Variants in XG observed in about 807,000 individuals in gnomAD.
XG encodes glycoprotein Xg.
A neutral mutation model predicts 25.7 loss-of-function variants in XG; 24 were observed. The observed-to-expected ratio is 0.93, with a 90% confidence interval of 0.68 to 1.31. XG has a LOEUF of 1.31. XG is among the 40% of genes most tolerant of loss of function. XG has a pLI of 0.00. For synonymous variants in XG, 77 were observed against 69.2 expected (o/e 1.11, Z -0.56); for missense variants, 181 against 187.6 (o/e 0.96, Z 0.21).
In XG at chrX:2,806,816, G is replaced by A. The variant is rs755686709; in HGVS notation, c.418+71G>A. 8.1e-5 allele frequency: 70 copies of A among 863,380 alleles called. No individual in the cohort carries two copies. The South Asian group carries it at 1.9e-3, about 24-fold the overall frequency. The allele number at this position is 863,380 out of a possible 1,213,427, so 71.2% of individuals were successfully genotyped here. A position where few individuals can be genotyped will look rare whatever the true frequency, so the allele number is the denominator to read the frequency against. ...TTTGCAAATAACTAACACACTGTCT[G>A]CACTGATGGGAAGCTGATGCTTTCA... On this transcript the variant is annotated intron_variant, in intron 8 of 10. Transcript: ENST00000644266.
At chrX:2,771,492 G>A (rs1431318511) in intron 2 of XG, among the ~76,000 whole-genome samples, 2 of 152,172 alleles carry the variant, frequency 1.3e-5, no homozygotes, top group Admixed American at 1.3e-4. Flanking sequence ...GAAAATATGT[G>A]TCCTGGGCCC....
intron 3 of XG, among the ~76,000 whole-genome samples, chrX:2,776,718 G>A (rs1016918590): frequency 2.5e-4 from 38 of 152,108 alleles, no homozygotes; most frequent in Admixed American, 8.5e-4. Context: ...CATGGTGGCG[G>A]GCGCCTGTAG....
intron 9 of XG, among the ~76,000 whole-genome samples, chrX:2,809,161 A>G (rs1289070182): frequency 9.0e-6 from 1 of 111,218 alleles, no homozygotes; most frequent in Admixed American, 9.6e-5. Context: ...GTGAGGTGTC[A>G]GGGAAGATGG....
intron 1 of XG, among the ~76,000 whole-genome samples, chrX:2,757,299 A>G (rs1455251285): frequency 1.3e-5 from 2 of 151,936 alleles, no homozygotes; most frequent in East Asian, 3.9e-4. Flanking sequence ...TGGGTACAGG[A>G]CAGGCAGGCA....
At position 2,811,430 on chromosome X, in the gene XG, G is replaced by C; in HGVS notation, c.549G>C (p.Arg183Ser). Reference sequence around the variant, plus strand: ...CCAGTTATTTCAAACTAAACAATAGGAGAAATTGTTTCAGGACCCATGGTA... The same window carrying C: ...CCAGTTATTTCAAACTAAACAATAGCAGAAATTGTTTCAGGACCCATGGTA... ...AAASYFKLNNRRNCFRTHEPE... is the reference protein window; with the variant it reads ...AAASYFKLNNSRNCFRTHEPE... The change falls in exon 10 of 11, where the codon AGG (arginine) becomes AGC (serine). Residue 183 changes from arginine (R) to serine (S), a missense_variant. Physicochemically the swap from Arg to Ser is moderately radical, Grantham distance 110. Transcript: ENST00000644266. 8.3e-7 allele frequency: 1 copy of C among 1,203,327 alleles called. No homozygotes were observed. Among genetic ancestry groups the C allele is most frequent in the South Asian group, 1.8e-5 (1 of 55,647 alleles).
chrX:2,807,858 G>A (rs1158143704), intron 8 of XG, among the ~76,000 whole-genome samples: 5 of 111,836 alleles, frequency 4.5e-5, no homozygotes, highest in East Asian at 2.8e-4. Flanking sequence ...AATGGCGTGC[G>A]TGTGTGCATG....
intron 7 of XG, among the ~76,000 whole-genome samples, chrX:2,802,562 G>C (rs146228305): frequency 1.8e-4 from 20 of 110,721 alleles, no homozygotes; most frequent in African/African-American, 5.9e-4. Flanking sequence ...GGAGTGCTGA[G>C]TGGTTGGTTG....
chrX:2,773,569 A>G (rs56113044), intron 2 of XG, among the ~76,000 whole-genome samples: 8,816 of 56,070 alleles, frequency 0.16, 181 homozygotes, highest in South Asian at 0.22. Context: ...GAAGGAGAGA[A>G]GGAAGGAAGG....
At position 2,780,725 on chromosome X, in the gene XG, A is replaced by G. The variant is rs776422126; in HGVS notation, c.128-1341A>G. On this transcript the variant is annotated intron_variant, in intron 3 of 10. Coordinates refer to ENST00000644266, the MANE Select transcript of XG (RefSeq NM_001141919.2). ...AGACCAAGACTCTGTCTCAAAAAAA[A>G]AAAAGAAGAAGTATATTGGTTCCGT... Among the ~76,000 whole-genome samples, 6 of 140,734 alleles carry G rather than the reference A, an allele frequency of 4.3e-5. No homozygotes were observed. In the East Asian group the frequency reaches 1.2e-3, roughly 28 times the overall value. The allele number at this position is 140,734 out of a possible 152,430, so 92.3% of individuals were successfully genotyped here. A position where few individuals can be genotyped will look rare whatever the true frequency, so the allele number is the denominator to read the frequency against.
chrX:2,765,788 C>T (rs1177289581), intron 1 of XG, among the ~76,000 whole-genome samples: 5 of 149,526 alleles, frequency 3.3e-5, no homozygotes, highest in South Asian at 2.1e-4. Flanking sequence ...GCAGTGGCCT[C>T]GACATTGCAT....
chrX:2,804,113 G>T (rs1454203062), intron 7 of XG, among the ~76,000 whole-genome samples: 2 of 112,523 alleles, frequency 1.8e-5, no homozygotes, highest in Admixed American at 9.4e-5. Flanking sequence ...AAAGTGCTGG[G>T]ATTATAGGCT....
At chrX:2,790,505 G>GAAA (rs55649691) in intron 5 of XG, among the ~76,000 whole-genome samples, 3 of 79,722 alleles carry the variant, frequency 3.8e-5, no homozygotes, top group Admixed American at 3.0e-4. Flanking sequence ...GTCTCAAAAG[G>GAAA]AAAAAAAAAA....
chrX:2,765,713 G>A (rs2050668919), intron 1 of XG, among the ~76,000 whole-genome samples: 1 of 152,226 alleles, frequency 6.6e-6, no homozygotes, highest in Non-Finnish European at 1.5e-5. Context: ...CAGAGGTTTT[G>A]CTGTGGGTCC....
chrX:2,757,270 T>C (rs973194835), intron 1 of XG, among the ~76,000 whole-genome samples: 1 of 151,864 alleles, frequency 6.6e-6, no homozygotes, highest in African/African-American at 2.4e-5. Context: ...GCACATGGGG[T>C]CTGGGGTTTG....
intron 5 of XG, among the ~76,000 whole-genome samples, chrX:2,794,029 G>A (rs1337964140): frequency 9.0e-6 from 1 of 111,075 alleles, no homozygotes; most frequent in Non-Finnish European, 1.9e-5. Flanking sequence ...GGTGGGAGGT[G>A]GGGCAGAAGG....
intron 1 of XG, among the ~76,000 whole-genome samples, chrX:2,756,704 ACG>A (rs2050442178): frequency 2.6e-5 from 4 of 151,880 alleles, no homozygotes; most frequent in African/African-American, 9.7e-5. Flanking sequence ...GAGTTCCCTG[ACG>A]CCCCCTCACA....
chrX:2,769,058 C>T (rs1322579957), intron 1 of XG, among the ~76,000 whole-genome samples: 1 of 152,196 alleles, frequency 6.6e-6, no homozygotes. Context: ...GTGACTTTGT[C>T]CTGACTTAGG....
At chrX:2,758,408 A>G (rs2124403423) in intron 1 of XG, among the ~76,000 whole-genome samples, 1 of 152,264 alleles carries the variant, frequency 6.6e-6, no homozygotes, top group African/African-American at 2.4e-5. Context: ...GGTGATGCCC[A>G]AGCGGAGCTA....
intron 1 of XG, among the ~76,000 whole-genome samples, chrX:2,768,192 A>C (rs190561313): frequency 6.6e-6 from 1 of 152,248 alleles, no homozygotes; most frequent in East Asian, 1.9e-4. Context: ...GGCCGGGTGC[A>C]CAGATTGGAG....
Sources: allele counts gnomAD v4.1 joint callset (sites outside exome capture counted in the v4.1 genomes callset), GRCh38; gene constraint gnomAD v4.1.1; transcripts MANE v1.5; gene names NCBI Gene and HGNC (gene_info 2026-07-23, HGNC 2026-07-21).